The following ADGRG2 variants were observed in gnomAD, a reference collection of about 807,000 sequenced individuals.
ADGRG2 encodes the protein G protein-coupled receptor 64.
ADGRG2 carries 26 observed loss-of-function variants against 74.1 expected under a neutral mutation model. That is an observed-to-expected ratio of 0.35 (90% confidence interval 0.26 to 0.49). ADGRG2 has a LOEUF of 0.49. ADGRG2 is among the 20% of genes least tolerant of loss of function. ADGRG2 has a pLI of 0.99. For missense variants in ADGRG2, 619 were observed against 763.1 expected, an observed-to-expected ratio of 0.81 and a Z score of 2.22; for synonymous variants, 296 against 295.2, an observed-to-expected ratio of 1.00 and a Z score of -0.03.
At chrX:19,005,315 C>G (rs2060207432) in intron 22 of ADGRG2, among the ~76,000 whole-genome samples, 1 of 112,330 alleles carries the variant, frequency 8.9e-6, no homozygotes, top group African/African-American at 3.2e-5. Flanking sequence ...ACCTATCTTG[C>G]AGGACTGTTG....
chrX:19,075,848 T>G, intron 2 of ADGRG2, among the ~76,000 whole-genome samples: 1 of 111,216 alleles, frequency 9.0e-6, no homozygotes, highest in Non-Finnish European at 1.9e-5. Flanking sequence ...AACTGTGATG[T>G]TGTTCCCTAC....
chrX:19,103,335 C>T (rs2062222064), intron 1 of ADGRG2, among the ~76,000 whole-genome samples: 1 of 111,999 alleles, frequency 8.9e-6, no homozygotes, highest in Admixed American at 9.5e-5. Flanking sequence ...GAGGAACTCT[C>T]AGTTCCGGGA....
intron 1 of ADGRG2, among the ~76,000 whole-genome samples, chrX:19,112,670 C>T (rs1436574604): frequency 9.3e-6 from 1 of 107,078 alleles, no homozygotes; most frequent in East Asian, 2.9e-4. Context: ...AAAAAAAGGC[C>T]GGGTAAGGTG....
intron 1 of ADGRG2, among the ~76,000 whole-genome samples, chrX:19,084,885 A>G (rs1301970944): frequency 8.9e-6 from 1 of 112,636 alleles, no homozygotes; most frequent in Non-Finnish European, 1.9e-5. Context: ...TGGATGAAAA[A>G]ATTGAAAAGC....
At chrX:18,996,871 G>T (rs887368618) in intron 26 of ADGRG2, among the ~76,000 whole-genome samples, 5 of 111,492 alleles carry the variant, frequency 4.5e-5, no homozygotes, top group Admixed American at 9.6e-5. Context: ...TGAATTCTGG[G>T]TTCTCTGCTT....
intron 1 of ADGRG2, among the ~76,000 whole-genome samples, chrX:19,094,827 G>A (rs1039554740): frequency 5.3e-5 from 6 of 112,630 alleles, no homozygotes; most frequent in Admixed American, 4.7e-4. Context: ...GGGAAGCCTT[G>A]GATGGTGGAA....
intron 14 of ADGRG2, among the ~76,000 whole-genome samples, 170 bp downstream of exon 14, chrX:19,020,934 G>A (rs917531792): frequency 9.4e-6 from 1 of 106,212 alleles, no homozygotes; most frequent in African/African-American, 3.5e-5. Context: ...TGAACCTGGT[G>A]ACAGACTGAG....
At chrX:19,081,669 G>C (rs1244713116) in intron 2 of ADGRG2, among the ~76,000 whole-genome samples, 1 of 112,050 alleles carries the variant, frequency 8.9e-6, no homozygotes, top group Non-Finnish European at 1.9e-5. Flanking sequence ...TATCATGTAA[G>C]TTATAATGGG....
chrX:19,003,260 G>T, intron 23 of ADGRG2, 146 bp from the exon 24 acceptor site: 1 of 458,038 alleles, frequency 2.2e-6, no homozygotes, highest in Non-Finnish European at 3.8e-6. Flanking sequence ...TGCCTCCTGG[G>T]CTCAAGCGAT....
chrX:19,029,531 A>C (rs772637269), intron 9 of ADGRG2, among the ~76,000 whole-genome samples: 3 of 110,272 alleles, frequency 2.7e-5, no homozygotes, highest in Non-Finnish European at 5.7e-5. Flanking sequence ...CAAGAAGTGA[A>C]GGTTTCTAGT....
At chrX:19,091,633 T>A (rs1317358480) in intron 1 of ADGRG2, among the ~76,000 whole-genome samples, 3 of 111,598 alleles carry the variant, frequency 2.7e-5, no homozygotes, top group African/African-American at 9.8e-5. Flanking sequence ...GGCCTGCAGA[T>A]CTTTTCTGCA....
rs746674412 is a variant in ADGRG2 at position 18,996,069 on chromosome X, G to A, written c.2698C>T (p.Arg900Trp). The change falls in exon 27 of 29, where the codon CGG (arginine) becomes TGG (tryptophan). Residue 900 changes from arginine to tryptophan, a missense_variant. Arg to Trp is a moderately radical substitution (Grantham distance 101, BLOSUM62 -3). Around this residue, in one of 3 missense-constraint regions of ADGRG2, gnomAD observed 106 missense variants for 104.5 expected, o/e 1.01. Coordinates refer to ENST00000379869, the MANE Select transcript of ADGRG2 (RefSeq NM_001079858.3). ...WRRYLCCGKLRLAENSDWSKT... is the reference protein window; with the variant it reads ...WRRYLCCGKLWLAENSDWSKT... ...TCTTTACCAGAATTTTCAGCCAGCC[G>A]TAACTTTCCACAACAAAGATACCGC... 1.9e-5 allele frequency: 22 copies of A among 1,154,776 alleles called. No homozygotes were observed. The South Asian group carries it at 3.5e-4, about 18-fold the overall frequency.
chrX:19,062,320 T>A (rs2061500573), intron 3 of ADGRG2, among the ~76,000 whole-genome samples: 2 of 111,367 alleles, frequency 1.8e-5, no homozygotes, highest in Non-Finnish European at 1.9e-5. Flanking sequence ...TTACCTGGAG[T>A]TCCAAGTGGA....
At chrX:19,095,997 C>A (rs1165280705) in intron 1 of ADGRG2, among the ~76,000 whole-genome samples, 1 of 109,601 alleles carries the variant, frequency 9.1e-6, no homozygotes, top group Non-Finnish European at 1.9e-5. Context: ...CCAGCCTGGG[C>A]AACAGAGGGA....
At chrX:19,010,044 C>T (rs1052955271) in intron 17 of ADGRG2, among the ~76,000 whole-genome samples, 3 of 110,066 alleles carry the variant, frequency 2.7e-5, no homozygotes, top group Non-Finnish European at 5.7e-5. Flanking sequence ...CTCCTGACCT[C>T]GTGATCCACA....
chrX:19,106,288 G>A (rs2062290351), intron 1 of ADGRG2, among the ~76,000 whole-genome samples: 1 of 111,089 alleles, frequency 9.0e-6, no homozygotes, highest in South Asian at 3.9e-4. Flanking sequence ...TGTAAAGAGG[G>A]CCCCCACAGA....
Position 19,019,654 on chromosome X carries a change from A to T in ADGRG2, c.655T>A (p.Cys219Ser). 1.7e-6 allele frequency: 2 copies of T among 1,159,098 alleles called. No individual in the cohort carries two copies. The highest frequency in any genetic ancestry group is 2.4e-6 in the Non-Finnish European group (2 of 848,840). Residue 219 changes from cysteine (C) to serine (S), a missense_variant, in exon 15 of 29, where the codon TGT (cysteine) becomes AGT (serine). By Grantham distance (112) the Cys-to-Ser change is moderately radical. This residue lies in a region of ADGRG2 where 292 missense variants were observed against 318.0 expected (regional missense o/e 0.92). Transcript: ENST00000379869. Reference protein sequence around the residue: ...VKIRPMEHCCCSVRIPCPSSP... With the variant: ...VKIRPMEHCCSSVRIPCPSSP... ...GAAGGGCAGGGTATCCTGACAGAAC[A>T]GCAGCAGTGTTCTAGGAGAGACAAA...
intron 1 of ADGRG2, among the ~76,000 whole-genome samples, chrX:19,086,744 A>G (rs1464651070): frequency 9.0e-6 from 1 of 111,404 alleles, no homozygotes; most frequent in Admixed American, 9.5e-5. Context: ...GACCAACCAA[A>G]AAAACCAAAA....
At chrX:19,097,599 G>T (rs2062119424) in intron 1 of ADGRG2, among the ~76,000 whole-genome samples, 1 of 112,201 alleles carries the variant, frequency 8.9e-6, no homozygotes, top group Non-Finnish European at 1.9e-5. Flanking sequence ...GGGCCTGGGG[G>T]AGAAAGTGTG....
Sources: gnomAD v4.1 joint callset for allele counts (sites outside exome capture counted in the v4.1 genomes callset) on GRCh38, gnomAD v4.1.1 for gene constraint, gnomAD v4.1.1 regional missense constraint, MANE v1.5 for transcripts, NCBI Gene and HGNC (gene_info 2026-07-23, HGNC 2026-07-21) for gene names.